Variants in PGPEP1 observed in about 807,000 individuals in gnomAD.
PGPEP1 encodes pyroglutamyl-peptidase 1.
PGPEP1 carries 15 observed loss-of-function variants against 24.1 expected under a neutral mutation model. The observed-to-expected ratio is 0.62, with a 90% CI of 0.42 to 0.96. PGPEP1 has a LOEUF of 0.96. PGPEP1 is among the 40% of genes least tolerant of loss of function. PGPEP1 has a pLI of 0.00. For synonymous variants in PGPEP1, 122 were observed against 116.4 expected, an observed-to-expected ratio of 1.05 and a Z score of -0.31; for missense variants, 242 against 273.4, an observed-to-expected ratio of 0.89 and a Z score of 0.81.
intron 3 of PGPEP1, 40 bp from the exon 4 acceptor site, chr19:18,357,343 C>A: frequency 6.6e-7 from 1 of 1,517,762 alleles, no homozygotes; most frequent in East Asian, 2.3e-5. Flanking sequence ...CTGAGTCCCA[C>A]GGGCAGGCCA....
intron 4 of PGPEP1, among the ~76,000 whole-genome samples, chr19:18,359,321 C>T (rs1971277392): frequency 6.6e-6 from 1 of 152,110 alleles, no homozygotes; most frequent in South Asian, 2.1e-4. Context: ...AAAATTCCAA[C>T]CCTGGCCCTT....
intron 2 of PGPEP1, among the ~76,000 whole-genome samples, chr19:18,343,280 G>A (rs1398637424): frequency 1.3e-5 from 2 of 152,054 alleles, no homozygotes; most frequent in Admixed American, 6.6e-5. Flanking sequence ...AATTACAGGC[G>A]TGAGCCACTA....
rs776917460 is a variant in PGPEP1 at position 18,357,400 on chromosome 19, G to A, written c.222G>A (p.Gly74=). ...KHSPQLVVHV[G]VSGMATTVTL... is the part of the protein sequence containing the mutation. The stretch of plus-strand genomic sequence containing the variant: ...GTGTGCAGCTGGTGGTGCATGTGGG[G>A]GTGTCAGGCATGGCGACCACAGTCA... Residue 74 remains glycine (G), a synonymous_variant, in exon 4 of 5, where the codon GGG becomes GGA. Coordinates refer to ENST00000269919, the MANE Select transcript of PGPEP1 (RefSeq NM_017712.4). 2.7e-5 allele frequency: 43 copies of A among 1,613,410 alleles called. No individual in the cohort carries two copies. The highest frequency in any genetic ancestry group is 3.6e-5 in the Non-Finnish European group (42 of 1,179,796).
chr19:18,346,786 A>G (rs1438098784), intron 2 of PGPEP1, among the ~76,000 whole-genome samples: 1 of 151,790 alleles, frequency 6.6e-6, no homozygotes, highest in Admixed American at 6.6e-5. Context: ...GATTACAGGC[A>G]TGTACCACCA....
chr19:18,359,955 A>G (rs1234730159), intron 4 of PGPEP1, among the ~76,000 whole-genome samples: 2 of 152,144 alleles, frequency 1.3e-5, no homozygotes, highest in Non-Finnish European at 2.9e-5. Context: ...AAAGGCAGCT[A>G]TTGGTCAATG....
chr19:18,362,011 G>A, intron 4 of PGPEP1: 1 of 321,464 alleles, frequency 3.1e-6, no homozygotes, highest in Non-Finnish European at 4.5e-6. Context: ...TGGGCTTTAG[G>A]TTGCTTTCTG....
At position 18,357,561 on chromosome 19, in the gene PGPEP1, G is replaced by T; in HGVS notation, c.383G>T (p.Arg128Leu). 1 of 1,612,874 alleles carries T rather than the reference G, an allele frequency of 6.2e-7. No homozygotes were observed. Among genetic ancestry groups the T allele is most frequent in the South Asian group, 1.1e-5 (1 of 90,840 alleles). ...ATCGACATGGATGCTGTGTGCAAGC[G>T]AGTCACCACGTTGGGCCTGGATGTG... Reference protein sequence around the residue: ...SIIDMDAVCKRVTTLGLDVSV... With the variant: ...SIIDMDAVCKLVTTLGLDVSV... Residue 128 changes from arginine (R) to leucine (L), a missense_variant, in exon 4 of 5, where the codon CGA (arginine) becomes CTA (leucine). Transcript: ENST00000269919.
At chr19:18,352,265 T>C (rs1971051197) in intron 2 of PGPEP1, among the ~76,000 whole-genome samples, 2 of 12,268 alleles carry the variant, frequency 1.6e-4, no homozygotes, top group African/African-American at 3.0e-4. Context: ...AGACTCCGTC[T>C]CAAAAAAAAA....
chr19:18,359,594 G>A (rs1449243092), intron 4 of PGPEP1, among the ~76,000 whole-genome samples: 1 of 148,712 alleles, frequency 6.7e-6, no homozygotes, highest in Non-Finnish European at 1.5e-5. Context: ...TGCAACCTCC[G>A]CCTCTGACGT....
In PGPEP1 at chr19:18,364,707, GTGGGACTGCTGCCCCAGATGTGGCCA is replaced by G. The variant is rs1971478493; in HGVS notation, c.*1129_*1154del. The G allele has an allele frequency of 1.3e-5, 2 of 152,268 alleles. No homozygotes were observed. The highest frequency in any genetic ancestry group is 2.9e-5 in the Non-Finnish European group (2 of 68,068). The allele number at this position is 152,268 out of a possible 1,614,324, so 9.4% of individuals were successfully genotyped here. ...ATGGGGTCCGTGGCCAGGCAACGGG[GTGGGACTGCTGCCCCAGATGTGGCCA>G]TGGGGGTCGTGGTCCTTTCAACACC... On this transcript the variant is annotated 3_prime_UTR_variant, in exon 5 of 5. Transcript: ENST00000269919.
chr19:18,346,633 C>CT (rs775309565), intron 2 of PGPEP1, among the ~76,000 whole-genome samples: 14,262 of 79,496 alleles, frequency 0.18, 2,359 homozygotes, highest in East Asian at 0.42. Context: ...CTGTTTCTCT[C>CT]TTTTTTTTTT....
chr19:18,356,358 C>T (rs1184382389), intron 3 of PGPEP1, among the ~76,000 whole-genome samples: 1 of 151,886 alleles, frequency 6.6e-6, no homozygotes, highest in Non-Finnish European at 1.5e-5. Flanking sequence ...CGCTTGAACC[C>T]GGGAGGCGGA....
Position 18,368,608 on chromosome 19 carries a change from A to G in PGPEP1, c.*5025A>G, listed in dbSNP as rs1205821277. 1 of 152,646 alleles carries G rather than the reference A, an allele frequency of 6.6e-6. No individual in the cohort carries two copies. The highest frequency in any genetic ancestry group is 1.5e-5 in the Non-Finnish European group (1 of 68,092). The allele number at this position is 152,646 out of a possible 1,614,324, so 9.5% of individuals were successfully genotyped here. A position where few individuals can be genotyped will look rare whatever the true frequency, so the allele number is the denominator to read the frequency against. ...CTTCCAGGAAGCAAGACCAGCTGGTATGTTTACACCTGCACTCCAGTGCCC... is the reference window on the plus strand; with the variant it reads ...CTTCCAGGAAGCAAGACCAGCTGGTGTGTTTACACCTGCACTCCAGTGCCC... On this transcript the variant is annotated 3_prime_UTR_variant, in exon 5 of 5. Coordinates refer to ENST00000269919, the MANE Select transcript of PGPEP1 (RefSeq NM_017712.4).
intron 2 of PGPEP1, among the ~76,000 whole-genome samples, chr19:18,354,419 C>T (rs62122392): frequency 0.22 from 33,353 of 151,948 alleles, 4,170 homozygotes; most frequent in Middle Eastern, 0.3. Context: ...GGCATGAACC[C>T]GGGAGGCGGA....
intron 2 of PGPEP1, among the ~76,000 whole-genome samples, chr19:18,352,745 A>G (rs895976797): frequency 1.1e-4 from 16 of 151,594 alleles, no homozygotes; most frequent in Admixed American, 5.9e-4. Flanking sequence ...TCATAAAGAC[A>G]GGGTTTTTCC....
chr19:18,346,043 C>T (rs995884155), intron 2 of PGPEP1, among the ~76,000 whole-genome samples: 2 of 151,852 alleles, frequency 1.3e-5, no homozygotes, highest in East Asian at 1.9e-4. Context: ...GTCAAGATCT[C>T]GAACATTCTC....
At chr19:18,354,974 T>C (rs1476572177) in intron 2 of PGPEP1, among the ~76,000 whole-genome samples, 2 of 144,252 alleles carry the variant, frequency 1.4e-5, no homozygotes, top group African/African-American at 5.2e-5. Flanking sequence ...TTTTTTTTTT[T>C]TTTTTTTTTT....
intron 4 of PGPEP1, among the ~76,000 whole-genome samples, chr19:18,358,579 T>C (rs1430996140): frequency 6.7e-6 from 1 of 149,056 alleles, no homozygotes; most frequent in Non-Finnish European, 1.5e-5. Context: ...TTAATTTAAC[T>C]AATTACATCT....
At chr19:18,351,548 C>G (rs1971022396) in intron 2 of PGPEP1, among the ~76,000 whole-genome samples, 1 of 148,710 alleles carries the variant, frequency 6.7e-6, no homozygotes, top group African/African-American at 2.5e-5. Flanking sequence ...CACTTGAACC[C>G]AGGAGGTGGA....
Sources: allele counts gnomAD v4.1 joint callset (sites outside exome capture counted in the v4.1 genomes callset), GRCh38; gene constraint gnomAD v4.1.1; transcripts MANE v1.5; gene names NCBI Gene and HGNC (gene_info 2026-07-23, HGNC 2026-07-21).